AQR: variants seen among roughly 807,000 people sequenced by gnomAD.
The protein encoded by AQR is RNA helicase aquarius.
AQR carries 61 observed loss-of-function variants against 180.5 expected under a neutral mutation model. The observed-to-expected ratio is 0.34, with a 90% CI of 0.28 to 0.42. AQR has a LOEUF of 0.42. Ranked by LOEUF, AQR falls within the 10% of genes least tolerant of loss-of-function variation. AQR has a pLI of 1.00. For synonymous variants in AQR, 551 were observed against 588.8 expected (o/e 0.94, Z 0.93); for missense variants, 1,281 against 1,798.3 (o/e 0.71, Z 5.20).
intron 5 of AQR, among the ~76,000 whole-genome samples, chr15:34,947,323 AAG>A (rs1894143922): frequency 6.6e-6 from 1 of 151,052 alleles, no homozygotes; most frequent in Non-Finnish European, 1.5e-5. Context: ...CATGCTCGTT[AAG>A]AGTCATCACC....
At chr15:34,878,847 G>C (rs1328358570) in intron 27 of AQR, among the ~76,000 whole-genome samples, 1 of 152,088 alleles carries the variant, frequency 6.6e-6, no homozygotes, top group East Asian at 1.9e-4. Flanking sequence ...GGCCAACATG[G>C]TAAAACACTG....
intron 1 of AQR, among the ~76,000 whole-genome samples, chr15:34,968,749 T>C (rs1464705012): frequency 6.6e-6 from 1 of 152,058 alleles, no homozygotes; most frequent in African/African-American, 2.4e-5. Context: ...GAACACCAGA[T>C]AGATTCAAAA....
At chr15:34,860,531 G>A (rs1595778845) in intron 33 of AQR, among the ~76,000 whole-genome samples, 5 of 152,176 alleles carry the variant, frequency 3.3e-5, no homozygotes, top group Admixed American at 2.6e-4. Flanking sequence ...TTAAGTATGG[G>A]TTTTAGTTTA....
chr15:34,954,340 C>T (rs1478658752), intron 3 of AQR, among the ~76,000 whole-genome samples: 1 of 151,850 alleles, frequency 6.6e-6, no homozygotes, highest in East Asian at 1.9e-4. Context: ...AGAGCTTGCT[C>T]TATTGCCCAG....
chr15:34,923,866 G>C (rs189761266), intron 13 of AQR, among the ~76,000 whole-genome samples: 175 of 152,148 alleles, frequency 1.2e-3, no homozygotes, highest in Admixed American at 1.8e-3. Context: ...TTCCAACTTT[G>C]TTCTGTTACA....
At position 34,932,402 on chromosome 15, in the gene AQR, G is replaced by A. The variant is rs754738666; in HGVS notation, c.816C>T (p.Thr272=). The change falls in exon 11 of 35, where the codon ACC becomes ACT. Residue 272 remains threonine, a synonymous_variant. Coordinates refer to ENST00000156471, the MANE Select transcript of AQR (RefSeq NM_014691.3). ...ALLPTRRWFN[T]ILDDSHLLVH... ...CCAGAAGGTGGGAATCATCCAGGAT[G>A]GTATTAAACCAGCGCCTTGTGGGTA... 4 of 1,610,230 alleles carry A rather than the reference G, an allele frequency of 2.5e-6. No homozygotes were observed. Among genetic ancestry groups the A allele is most frequent in the African/African-American group, 1.3e-5 (1 of 74,628 alleles).
intron 28 of AQR, among the ~76,000 whole-genome samples, chr15:34,875,079 A>C (rs1892872409): frequency 6.6e-6 from 1 of 152,134 alleles, no homozygotes; most frequent in African/African-American, 2.4e-5. Flanking sequence ...GTGAGGGAGA[A>C]TGGAGGTATT....
At position 34,904,493 on chromosome 15, in the gene AQR, C is replaced by A; in HGVS notation, c.1844G>T (p.Arg615Ile). Residue 615 changes from arginine to isoleucine, a missense_variant, in exon 19 of 35, where the codon AGA (arginine) becomes ATA (isoleucine). Physicochemically the swap from Arg to Ile is moderately conservative, Grantham distance 97. This residue lies in a region of AQR where 200 missense variants were observed against 293.4 expected (regional missense o/e 0.68). Coordinates refer to ENST00000156471, the MANE Select transcript of AQR (RefSeq NM_014691.3). ...GRVIEDGPEP[R>I]PNLRGESRTF... ...CCTTGATTCTCCTCTAAGATTGGGT[C>A]TGGGTTCAGGTCCTGGACAATTTGA... 1 of 1,610,208 alleles carries A rather than the reference C, an allele frequency of 6.2e-7. No individual in the cohort carries two copies. The highest frequency in any genetic ancestry group is 1.1e-5 in the South Asian group (1 of 89,788).
At chr15:34,901,209 A>G (rs1276968249) in intron 19 of AQR, among the ~76,000 whole-genome samples, 2 of 152,188 alleles carry the variant, frequency 1.3e-5, no homozygotes, top group Non-Finnish European at 2.9e-5. Context: ...AATATAGAAC[A>G]AACCCTTAAA....
chr15:34,865,208 C>G (rs975814361), intron 32 of AQR, among the ~76,000 whole-genome samples: 1 of 152,122 alleles, frequency 6.6e-6, no homozygotes, highest in Non-Finnish European at 1.5e-5. Flanking sequence ...TGATAGAACC[C>G]CTATGAGGAA....
intron 16 of AQR, among the ~76,000 whole-genome samples, chr15:34,911,462 T>C (rs962761774): frequency 6.6e-6 from 1 of 152,206 alleles, no homozygotes; most frequent in African/African-American, 2.4e-5. Context: ...TTGTTATCTT[T>C]TGACTTTTGA....
At chr15:34,874,236 A>G in intron 29 of AQR, 1 of 392,430 alleles carries the variant, frequency 2.5e-6, no homozygotes, top group Non-Finnish European at 4.4e-6. Flanking sequence ...TCTGAGGTCA[A>G]TGCTATCTTT....
chr15:34,905,691 GA>G (rs1893400868), intron 18 of AQR, among the ~76,000 whole-genome samples: 1 of 151,646 alleles, frequency 6.6e-6, no homozygotes, highest in African/African-American at 2.4e-5. Flanking sequence ...AATTTAAGAA[GA>G]AAAAATATAT....
rs139945391 is a variant in AQR, at chr15:34,938,717, C to A, written c.718+20G>T. The stretch of plus-strand genomic sequence containing the variant: ...GCTATATGATAATTTCACAAATGCA[C>A]TGAGTAAAAAAGAAGATACCAGAAA... On this transcript the variant is annotated intron_variant, in intron 9 of 34. Transcript: ENST00000156471. 10 of 1,370,092 alleles carry A rather than the reference C, an allele frequency of 7.3e-6. No homozygotes were observed. Among genetic ancestry groups the A allele is most frequent in the East Asian group, 2.4e-5 (1 of 42,232 alleles). 84.9% of individuals were successfully genotyped at this position (1,370,092 alleles called of 1,614,324 possible).
At chr15:34,927,693 TAAC>T (rs1893786065) in intron 12 of AQR, among the ~76,000 whole-genome samples, 4 of 152,206 alleles carry the variant, frequency 2.6e-5, no homozygotes, top group Non-Finnish European at 5.9e-5. Context: ...CCTTGGGATT[TAAC>T]AACAGAGTGA....
At chr15:34,895,644 AAG>A (rs1316461997) in intron 22 of AQR, among the ~76,000 whole-genome samples, 9 of 152,162 alleles carry the variant, frequency 5.9e-5, no homozygotes, top group Non-Finnish European at 1.3e-4. Context: ...CCAATTCACC[AAG>A]ACAACATAAC....
At chr15:34,923,186 C>T (rs999305671) in intron 13 of AQR, among the ~76,000 whole-genome samples, 11 of 152,080 alleles carry the variant, frequency 7.2e-5, no homozygotes, top group African/African-American at 2.7e-4. Context: ...GTGCCTACTT[C>T]ATAGCTTTAT....
intron 3 of AQR, among the ~76,000 whole-genome samples, chr15:34,956,382 G>A (rs1035065302): frequency 6.6e-6 from 1 of 152,084 alleles, no homozygotes; most frequent in Non-Finnish European, 1.5e-5. Context: ...CGGGTGTGGT[G>A]GCTCACACCT....
intron 17 of AQR, among the ~76,000 whole-genome samples, chr15:34,907,265 G>C (rs1893432442): frequency 6.6e-6 from 1 of 152,160 alleles, no homozygotes; most frequent in African/African-American, 2.4e-5. Context: ...GGCAAATCGT[G>C]AACATTTTTA....
Sources: gnomAD v4.1 joint callset for allele counts (sites outside exome capture counted in the v4.1 genomes callset) on GRCh38, gnomAD v4.1.1 for gene constraint, gnomAD v4.1.1 regional missense constraint, MANE v1.5 for transcripts, NCBI Gene and HGNC (gene_info 2026-07-23, HGNC 2026-07-21) for gene names.